Variants in NPRL3 observed in about 807,000 individuals in gnomAD.
NPRL3 encodes NPR3 like, GATOR1 complex subunit.
NPRL3 carries 23 observed loss-of-function variants against 57.2 expected under a neutral mutation model. The ratio of observed to expected loss-of-function variants is 0.40; its 90% CI spans 0.29 to 0.57. NPRL3 has a LOEUF of 0.57. Ranked by LOEUF, NPRL3 falls within the 20% of genes least tolerant of loss-of-function variation. NPRL3 has a pLI of 0.42. For synonymous variants in NPRL3, 333 were observed against 321.1 expected (o/e 1.04, Z -0.39); for missense variants, 691 against 767.1 (o/e 0.90, Z 1.17).
chr16:93,316 G>A lies in NPRL3; in HGVS notation c.934C>T (p.Leu312Phe), dbSNP rs1168112146. 1 of 1,555,084 alleles carries A rather than the reference G, an allele frequency of 6.4e-7. No individual in the cohort carries two copies. Among genetic ancestry groups the A allele is most frequent in the Admixed American group, 1.9e-5 (1 of 51,354 alleles). ...ADLALLQVFQ[L>F]AAHLVYWGKA... ...CCCCAGTACACCAGATGAGCTGCAA[G>A]CTGGAAAACCTGCAGGCAAAAGGGA... The change falls in exon 10 of 14, where the codon CTT (leucine) becomes TTT (phenylalanine). Residue 312 changes from leucine to phenylalanine, a missense_variant. Physicochemically the swap from Leu to Phe is conservative, Grantham distance 22. Transcript: ENST00000611875.
At position 98,297 on chromosome 16, in the gene NPRL3, A is replaced by C. The variant is rs1899110384; in HGVS notation, c.772T>G (p.Tyr258Asp). 4 of 1,613,564 alleles carry C rather than the reference A, an allele frequency of 2.5e-6. No homozygotes were observed. The highest frequency in any genetic ancestry group is 3.4e-6 in the Non-Finnish European group (4 of 1,179,654). ...IERSLKAIRP[Y>D]HALLLLSDEK... Reference sequence around the variant, plus strand: ...TCACTGAGCAGCAGCAGGGCATGGTAGGGGCTGCAAAACAATCACCTGTCA... The same window carrying C: ...TCACTGAGCAGCAGCAGGGCATGGTCGGGGCTGCAAAACAATCACCTGTCA... Residue 258 changes from tyrosine to aspartate, a missense_variant, in exon 9 of 14, where the codon TAC becomes GAC. Physicochemically the swap from Tyr to Asp is radical, Grantham distance 160. Transcript: ENST00000611875.
intron 3 of NPRL3, among the ~76,000 whole-genome samples, chr16:127,379 G>A (rs926219470): frequency 6.6e-6 from 1 of 151,826 alleles, no homozygotes; most frequent in African/African-American, 2.4e-5. Context: ...GGGACTAAGG[G>A]CGCAGGTCAC....
intron 3 of NPRL3, among the ~76,000 whole-genome samples, chr16:123,261 C>T (rs561912602): frequency 2.0e-5 from 3 of 152,174 alleles, no homozygotes; most frequent in East Asian, 3.9e-4. Flanking sequence ...AGAAGTCTCC[C>T]GGGTGCCAGC....
intron 7 of NPRL3, among the ~76,000 whole-genome samples, chr16:110,218 G>A (rs1004626089): frequency 1.3e-5 from 2 of 152,098 alleles, no homozygotes; most frequent in Non-Finnish European, 2.9e-5. Context: ...GCTGTGAGCC[G>A]AGATCGTGCC....
chr16:135,097 T>C (rs1348378229), intron 2 of NPRL3, among the ~76,000 whole-genome samples: 5 of 152,204 alleles, frequency 3.3e-5, no homozygotes, highest in Admixed American at 3.3e-4. Context: ...TTTAGCACGA[T>C]AAAGAGAGCA....
At chr16:132,912 G>A (rs1013392587) in intron 2 of NPRL3, among the ~76,000 whole-genome samples, 3 of 151,956 alleles carry the variant, frequency 2.0e-5, no homozygotes, top group Non-Finnish European at 2.9e-5. Flanking sequence ...CTCGTGATCC[G>A]CCCACCTCGG....
intron 9 of NPRL3, among the ~76,000 whole-genome samples, chr16:97,227 C>G (rs1338362619): frequency 6.6e-6 from 1 of 152,094 alleles, no homozygotes; most frequent in Non-Finnish European, 1.5e-5. Flanking sequence ...GCCACCCCAT[C>G]AGCAGCCCCT....
At chr16:123,614 A>G (rs1900374249) in intron 3 of NPRL3, 4 of 464,634 alleles carry the variant, frequency 8.6e-6, no homozygotes, top group South Asian at 4.7e-5. Context: ...ATGAAAAGTT[A>G]CAAGGCTATT....
intron 7 of NPRL3, among the ~76,000 whole-genome samples, chr16:108,155 A>C (rs564372610): frequency 5.3e-4 from 81 of 152,108 alleles, no homozygotes; most frequent in African/African-American, 1.9e-3. Context: ...AACAAATGCT[A>C]GTTGCAACTT....
chr16:119,289 T>G, intron 3 of NPRL3, 34 bp from the exon 4 acceptor site: 2 of 1,573,006 alleles, frequency 1.3e-6, no homozygotes, highest in Non-Finnish European at 1.7e-6. Context: ...TAAAAATAAG[T>G]TAACAAAATA....
chr16:95,195 C>G (rs928018611), intron 9 of NPRL3, among the ~76,000 whole-genome samples: 6 of 151,954 alleles, frequency 3.9e-5, no homozygotes, highest in African/African-American at 1.5e-4. Flanking sequence ...TCCAAAGTCC[C>G]ACATGAGTTC....
chr16:135,222 G>C (rs1057089347), intron 2 of NPRL3, among the ~76,000 whole-genome samples: 1 of 152,212 alleles, frequency 6.6e-6, no homozygotes. Context: ...CCACGTTGTG[G>C]CCTGTTATAA....
At chr16:109,502 C>T (rs910367314) in intron 7 of NPRL3, among the ~76,000 whole-genome samples, 2 of 152,150 alleles carry the variant, frequency 1.3e-5, no homozygotes, top group African/African-American at 4.8e-5. Context: ...CTTGGTGTTG[C>T]GTCATGCTCA....
intron 3 of NPRL3, among the ~76,000 whole-genome samples, chr16:122,091 G>C (rs1900307428): frequency 6.9e-6 from 1 of 145,394 alleles, no homozygotes; most frequent in Non-Finnish European, 1.5e-5. Context: ...CAAAACAATT[G>C]AGCGGCTTTT....
Position 86,691 on chromosome 16 carries a change from C to T in NPRL3, c.*14G>A. The stretch of plus-strand genomic sequence containing the variant: ...ACCTGCGCACCCCAGCAGCCTTCCG[C>T]CCTCCGCCTGGGCTCAGGGGAGCAG... On this transcript the variant is annotated 3_prime_UTR_variant, in exon 14 of 14. Coordinates refer to ENST00000611875, the MANE Select transcript of NPRL3 (RefSeq NM_001077350.3). The T allele has an allele frequency of 1.3e-6, 2 of 1,543,486 alleles. No individual in the cohort carries two copies. Among genetic ancestry groups the T allele is most frequent in the Non-Finnish European group, 1.7e-6 (2 of 1,142,956 alleles).
In NPRL3 at chr16:124,557, C is replaced by T. The variant is rs534201264; in HGVS notation, c.189-5302G>A. ...ATCTGCATGACAAGAAATCGCCTAC[C>T]GAGGATCACATAAGACTCCCAGAGG... On this transcript the variant is annotated intron_variant, in intron 3 of 13. Coordinates refer to ENST00000611875, the MANE Select transcript of NPRL3 (RefSeq NM_001077350.3). Among the ~76,000 whole-genome samples, 5 of 152,092 alleles carry T rather than the reference C, an allele frequency of 3.3e-5. No individual in the cohort carries two copies. The East Asian group carries it at 9.7e-4, about 29-fold the overall frequency.
At chr16:123,546 C>T (rs1183881340) in intron 3 of NPRL3, 1 of 470,928 alleles carries the variant, frequency 2.1e-6, no homozygotes, top group Non-Finnish European at 4.4e-6. Context: ...ACATGGCTCG[C>T]TGAAATGGGA....
chr16:117,347 C>A lies in NPRL3; in HGVS notation c.347G>T (p.Arg116Met). The A allele has an allele frequency of 6.2e-7, 1 of 1,611,814 alleles. No homozygotes were observed. Among genetic ancestry groups the A allele is most frequent in the Non-Finnish European group, 8.5e-7 (1 of 1,178,368 alleles). Residue 116 changes from arginine to methionine, a missense_variant, in exon 5 of 14, where the codon AGG becomes ATG. Coordinates refer to ENST00000611875, the MANE Select transcript of NPRL3 (RefSeq NM_001077350.3). ...AAAAAGAATCATAGTAGGTGCTTCCCTCTTCGGGGAAGGATCTGTTTTGGA... is the reference window on the plus strand; with the variant it reads ...AAAAAGAATCATAGTAGGTGCTTCCATCTTCGGGGAAGGATCTGTTTTGGA... ...QISKTDPSPK[R>M]EAPTMILFNV...
intron 7 of NPRL3, 115 bp from the exon 8 acceptor site, chr16:100,624 G>A (rs1272528824): frequency 9.5e-7 from 1 of 1,049,166 alleles, no homozygotes; most frequent in East Asian, 3.1e-5. Flanking sequence ...GAAACTGCAG[G>A]TGGAGACCCG....
Sources: allele counts gnomAD v4.1 joint callset (sites outside exome capture counted in the v4.1 genomes callset), GRCh38; gene constraint gnomAD v4.1.1; transcripts MANE v1.5; gene names NCBI Gene and HGNC (gene_info 2026-07-23, HGNC 2026-07-21).